Variants in DMD observed in about 807,000 individuals in gnomAD.
DMD encodes mutant dystrophin.
Under a neutral mutation model 330.1 loss-of-function variants are expected in DMD, and 63 were observed. The observed-to-expected ratio is 0.19, with a 90% CI of 0.16 to 0.24. The LOEUF (loss-of-function observed/expected upper bound fraction) is 0.24. Ranked by LOEUF, DMD falls within the 10% of genes least tolerant of loss-of-function variation. The probability of loss-of-function intolerance (pLI) is 1.00; values close to 1 mark genes in which losing one functional copy is unlikely to be tolerated. For missense variants in DMD, 3,344 were observed against 2,684.1 expected (o/e 1.25, Z -5.43); for synonymous variants, 1,223 against 959.8 (o/e 1.27, Z -5.07).
At chrX:31,831,108 C>A (rs1603483176) in intron 49 of DMD, among the ~76,000 whole-genome samples, 1 of 112,226 alleles carries the variant, frequency 8.9e-6, no homozygotes, top group East Asian at 2.8e-4. Flanking sequence ...TGCCCACACT[C>A]TGAAGTGTTT....
chrX:31,289,899 TTTATTA>T (rs200740564), intron 62 of DMD, among the ~76,000 whole-genome samples: 21,272 of 93,381 alleles, frequency 0.23, 2,358 homozygotes, highest in African/African-American at 0.37. Flanking sequence ...TATTATTCTG[TTTATTA>T]TTATTATTAT....
chrX:32,938,361 C>T (rs185426870), intron 2 of DMD, among the ~76,000 whole-genome samples: 1 of 111,668 alleles, frequency 9.0e-6, no homozygotes, highest in African/African-American at 3.2e-5. Context: ...TGCATATTTT[C>T]CCTTGCATTT....
At chrX:32,259,557 T>G (rs757822099) in intron 43 of DMD, among the ~76,000 whole-genome samples, 140 of 111,602 alleles carry the variant, frequency 1.3e-3, no homozygotes, top group African/African-American at 4.3e-3. Context: ...TATTATTATA[T>G]TAAATTTATA....
At chrX:32,068,770 A>C (rs768743157) in intron 44 of DMD, among the ~76,000 whole-genome samples, 23 of 111,635 alleles carry the variant, frequency 2.1e-4, no homozygotes, top group Non-Finnish European at 4.0e-4. Context: ...CATAAATTTC[A>C]AAAGTTAGGC....
chrX:33,153,930 G>A (rs933776529), intron 1 of DMD, among the ~76,000 whole-genome samples: 1 of 112,192 alleles, frequency 8.9e-6, no homozygotes, highest in East Asian at 2.8e-4. Flanking sequence ...TAAAGAAAAG[G>A]TAATCTTGCC....
At chrX:33,009,224 A>ATATGTG (rs201238486) in intron 2 of DMD, among the ~76,000 whole-genome samples, 4 of 81,579 alleles carry the variant, frequency 4.9e-5, no homozygotes, top group Admixed American at 1.4e-4. Flanking sequence ...ATATGTGCAT[A>ATATGTG]TATGTGTATA....
At chrX:31,214,937 C>CTT (rs761569710) in intron 64 of DMD, among the ~76,000 whole-genome samples, 13 of 38,079 alleles carry the variant, frequency 3.4e-4, no homozygotes, top group African/African-American at 1.2e-3. Context: ...TTTCTTTTTT[C>CTT]TTTTTTTTTT....
At chrX:32,650,180 T>C (rs1432708594) in intron 9 of DMD, among the ~76,000 whole-genome samples, 5 of 111,915 alleles carry the variant, frequency 4.5e-5, no homozygotes, top group Admixed American at 2.8e-4. Flanking sequence ...GAGGGCACAG[T>C]CTATCACTGA....
chrX:31,864,409 A>G (rs1276329497), intron 48 of DMD, among the ~76,000 whole-genome samples: 1 of 107,822 alleles, frequency 9.3e-6, no homozygotes, highest in Admixed American at 9.9e-5. Flanking sequence ...AACGATGAAA[A>G]TCTCATGACC....
chrX:33,098,620 T>C (rs935732250), intron 1 of DMD, among the ~76,000 whole-genome samples: 3 of 111,693 alleles, frequency 2.7e-5, no homozygotes, highest in Non-Finnish European at 5.6e-5. Context: ...ACAATGTTTA[T>C]TTAGAAACAG....
intron 53 of DMD, among the ~76,000 whole-genome samples, chrX:31,664,601 A>G (rs759095970): frequency 5.8e-5 from 5 of 86,163 alleles, no homozygotes; most frequent in African/African-American, 1.9e-4. Flanking sequence ...GATCAATCTG[A>G]TATGTTGGTC....
intron 76 of DMD, among the ~76,000 whole-genome samples, chrX:31,141,201 A>AAACAACAACAACAACAACAAC (rs34805586): frequency 3.8e-5 from 4 of 105,892 alleles, no homozygotes; most frequent in African/African-American, 1.5e-4. Flanking sequence ...CACACAAAAG[A>AAACAACAACAACAACAACAAC]AACAACAACA....
At chrX:31,524,994 C>A (rs993114787) in intron 55 of DMD, among the ~76,000 whole-genome samples, 2 of 112,092 alleles carry the variant, frequency 1.8e-5, no homozygotes, top group Non-Finnish European at 3.8e-5. Context: ...TTCTTCTTCA[C>A]TGTAAAATCA....
intron 1 of DMD, among the ~76,000 whole-genome samples, chrX:33,326,286 C>T (rs1310518017): frequency 9.0e-6 from 1 of 110,582 alleles, no homozygotes; most frequent in Non-Finnish European, 1.9e-5. Context: ...ATTCATGGCC[C>T]TCAGGCACTA....
chrX:32,627,340 T>A (rs1355598058), intron 11 of DMD, among the ~76,000 whole-genome samples: 1 of 103,853 alleles, frequency 9.6e-6, no homozygotes, highest in East Asian at 2.9e-4. Flanking sequence ...TATAAATGAC[T>A]TCCACAAGTA....
At chrX:32,319,267 G>A (rs35961347) in intron 41 of DMD, among the ~76,000 whole-genome samples, 2,007 of 109,750 alleles carry the variant, frequency 0.018, 18 homozygotes, top group Non-Finnish European at 0.029. Context: ...AACAATCATG[G>A]CCTGCTTTGT....
chrX:33,299,299 G>T (rs1259887786), intron 1 of DMD, among the ~76,000 whole-genome samples: 2 of 111,606 alleles, frequency 1.8e-5, no homozygotes, highest in African/African-American at 6.5e-5. Flanking sequence ...GTAGGACTTT[G>T]CAGAAGACTT....
intron 44 of DMD, among the ~76,000 whole-genome samples, chrX:32,061,395 C>T (rs994792090): frequency 6.3e-5 from 7 of 111,033 alleles, no homozygotes; most frequent in East Asian, 2.9e-4. Context: ...TGTCTCAGTA[C>T]GATGACAAGA....
chrX:31,323,589 C>T lies in DMD; in HGVS notation c.9224+9G>A, dbSNP rs2148296467. The T allele has an allele frequency of 1.7e-6, 2 of 1,198,891 alleles. No homozygotes were observed. ...ATGCTCTTTTAAAAATGTGATACTT[C>T]CAACTTACTTGATATAGTAGGGCAC... On this transcript the variant is annotated intron_variant, in intron 62 of 78. Transcript: ENST00000357033.
Sources: allele counts gnomAD v4.1 joint callset (sites outside exome capture counted in the v4.1 genomes callset), GRCh38; gene constraint gnomAD v4.1.1; transcripts MANE v1.5; gene names NCBI Gene and HGNC (gene_info 2026-07-23, HGNC 2026-07-21).